The following CSMD1 variants were observed in gnomAD, a reference collection of about 807,000 sequenced individuals.
CSMD1 encodes CUB and Sushi multiple domains 1, also known as CUB and sushi domain-containing protein 1.
Under a neutral mutation model 417.5 loss-of-function variants are expected in CSMD1, and 213 were observed. The ratio of observed to expected loss-of-function variants is 0.51; its 90% CI spans 0.46 to 0.57. The LOEUF (loss-of-function observed/expected upper bound fraction) is 0.57. Among genes scored for constraint, CSMD1 ranks in the 20% least tolerant of loss-of-function variants. The pLI is 0.00. For synonymous variants in CSMD1, 2,862 were observed against 1,736.8 expected, an observed-to-expected ratio of 1.65 and a Z score of -16.11; for missense variants, 6,923 against 4,529.7, an observed-to-expected ratio of 1.53 and a Z score of -15.17.
intron 49 of CSMD1, among the ~76,000 whole-genome samples, chr8:3,075,009 T>C (rs936470580): frequency 2.0e-5 from 3 of 152,080 alleles, no homozygotes; most frequent in Admixed American, 1.3e-4. Context: ...TTTGGTGCTG[T>C]CCTCATGATA....
At chr8:3,424,308 T>G (rs1813683552) in intron 12 of CSMD1, among the ~76,000 whole-genome samples, 1 of 152,218 alleles carries the variant, frequency 6.6e-6, no homozygotes, top group Non-Finnish European at 1.5e-5. Context: ...GTCTATTAAT[T>G]TTGAGTACAA....
chr8:3,614,921 G>A (rs971760728), intron 8 of CSMD1, among the ~76,000 whole-genome samples: 1 of 152,062 alleles, frequency 6.6e-6, no homozygotes, highest in African/African-American at 2.4e-5. Flanking sequence ...AAGGGAAGCA[G>A]GAAGAAGATT....
intron 3 of CSMD1, among the ~76,000 whole-genome samples, chr8:4,241,842 G>T (rs891954378): frequency 2.6e-5 from 4 of 151,910 alleles, no homozygotes; most frequent in Non-Finnish European, 4.4e-5. Context: ...TCCCAAGTAT[G>T]GGGTGATTTT....
At chr8:4,750,151 G>A (rs992848046) in intron 1 of CSMD1, among the ~76,000 whole-genome samples, 8 of 152,030 alleles carry the variant, frequency 5.3e-5, no homozygotes, top group South Asian at 2.1e-4. Context: ...GACTACAGGC[G>A]CCCGCCACCA....
In CSMD1 at chr8:4,009,007, T is replaced by C. The variant is rs571656173; in HGVS notation, c.611-10897A>G. On this transcript the variant is annotated intron_variant, in intron 4 of 69. Transcript: ENST00000635120. The stretch of plus-strand genomic sequence containing the variant: ...CGTCAGTGGGTAGGTTTTGTGCCCA[T>C]ACCGAATTTCCATCAGAGTAATTAT... Among the ~76,000 whole-genome samples, 3 of 152,318 alleles carry C rather than the reference T, an allele frequency of 2.0e-5. No homozygotes were observed. The South Asian group carries it at 6.2e-4, about 32-fold the overall frequency.
intron 3 of CSMD1, among the ~76,000 whole-genome samples, chr8:4,386,962 T>G (rs1803494689): frequency 3.3e-5 from 5 of 152,302 alleles, no homozygotes; most frequent in Admixed American, 3.3e-4. Context: ...GTGTAATATG[T>G]TACGATTATC....
intron 10 of CSMD1, among the ~76,000 whole-genome samples, chr8:3,565,308 G>T (rs1322334241): frequency 6.6e-6 from 1 of 150,666 alleles, no homozygotes; most frequent in East Asian, 1.9e-4. Context: ...TTCCCCAGTG[G>T]CATGGGAGAA....
At chr8:4,083,714 GT>G (rs1800267866) in intron 3 of CSMD1, among the ~76,000 whole-genome samples, 1 of 152,032 alleles carries the variant, frequency 6.6e-6, no homozygotes, top group African/African-American at 2.4e-5. Flanking sequence ...AGACTTAAAC[GT>G]TAGACCTAAA....
At chr8:4,406,111 G>A (rs114921703) in intron 3 of CSMD1, among the ~76,000 whole-genome samples, 189 of 152,198 alleles carry the variant, frequency 1.2e-3, no homozygotes, top group African/African-American at 4.2e-3. Flanking sequence ...ATTTCACAGC[G>A]GAACCAAACA....
At chr8:3,460,530 C>T (rs1274372053) in intron 12 of CSMD1, among the ~76,000 whole-genome samples, 4 of 151,800 alleles carry the variant, frequency 2.6e-5, no homozygotes, top group Non-Finnish European at 4.4e-5. Context: ...AGTTTAGTAG[C>T]GGGGAGAAAT....
At chr8:4,407,598 A>G (rs967193938) in intron 3 of CSMD1, among the ~76,000 whole-genome samples, 3 of 152,222 alleles carry the variant, frequency 2.0e-5, no homozygotes, top group Non-Finnish European at 4.4e-5. Flanking sequence ...TTAAATTTCT[A>G]GGAATTTCAG....
chr8:3,608,591 G>A (rs938531751), intron 8 of CSMD1, among the ~76,000 whole-genome samples: 8 of 151,846 alleles, frequency 5.3e-5, no homozygotes, highest in Non-Finnish European at 8.8e-5. Flanking sequence ...GTGAAACCCC[G>A]TCTCTATTAA....
At chr8:4,136,506 C>T (rs548557642) in intron 3 of CSMD1, among the ~76,000 whole-genome samples, 57 of 152,304 alleles carry the variant, frequency 3.7e-4, no homozygotes, top group Admixed American at 1.6e-3. Flanking sequence ...TTACTGTCCA[C>T]TACAGCAATA....
chr8:3,546,330 T>A (rs1798661851), intron 10 of CSMD1, among the ~76,000 whole-genome samples: 1 of 151,930 alleles, frequency 6.6e-6, no homozygotes, highest in Non-Finnish European at 1.5e-5. Context: ...GGTCAGGAGA[T>A]CGAGACCATC....
chr8:3,223,257 C>T (rs969044526), intron 28 of CSMD1, among the ~76,000 whole-genome samples: 1 of 152,136 alleles, frequency 6.6e-6, no homozygotes, highest in Non-Finnish European at 1.5e-5. Context: ...TCAGACTTTA[C>T]AGCAACCACA....
At chr8:3,344,437 G>A (rs1045216727) in intron 22 of CSMD1, among the ~76,000 whole-genome samples, 14 of 152,140 alleles carry the variant, frequency 9.2e-5, no homozygotes, top group Non-Finnish European at 1.6e-4. Flanking sequence ...TCCTGCACAC[G>A]TATCCCAGAG....
chr8:3,741,724 T>C (rs1796813688), intron 6 of CSMD1, among the ~76,000 whole-genome samples: 1 of 152,048 alleles, frequency 6.6e-6, no homozygotes, highest in Admixed American at 6.6e-5. Context: ...GTGCGCATTC[T>C]TACTGAGAAA....
intron 5 of CSMD1, among the ~76,000 whole-genome samples, chr8:3,964,301 C>A (rs188085080): frequency 8.5e-5 from 13 of 152,320 alleles, no homozygotes; most frequent in African/African-American, 2.9e-4. Flanking sequence ...GAGCGTTCCA[C>A]AGTCACGCGG....
chr8:3,387,958 T>C (rs1186535120), intron 17 of CSMD1, among the ~76,000 whole-genome samples: 6 of 152,202 alleles, frequency 3.9e-5, no homozygotes, highest in Admixed American at 3.9e-4. Flanking sequence ...ATTTTACTTT[T>C]CTTCTTGGAA....
Sources: allele counts gnomAD v4.1 joint callset (sites outside exome capture counted in the v4.1 genomes callset), GRCh38; gene constraint gnomAD v4.1.1; transcripts MANE v1.5; gene names NCBI Gene and HGNC (gene_info 2026-07-23, HGNC 2026-07-21).